The following ZC3H12B variants were observed in gnomAD, a reference collection of about 807,000 sequenced individuals.
The protein encoded by ZC3H12B is probable ribonuclease ZC3H12B.
In ZC3H12B, 7 loss-of-function variants were observed where a neutral mutation model predicts 43.9. The ratio of observed to expected loss-of-function variants is 0.16; its 90% CI spans 0.09 to 0.30. The LOEUF (loss-of-function observed/expected upper bound fraction) is 0.30. Among genes scored for constraint, ZC3H12B ranks in the 10% least tolerant of loss-of-function variants. The pLI, the probability that ZC3H12B is intolerant of heterozygous loss-of-function variation, is 1.00. For synonymous variants in ZC3H12B, 222 were observed against 241.7 expected (o/e 0.92, Z 0.76); for missense variants, 475 against 670.2 (o/e 0.71, Z 3.22).
At chrX:65,280,212 G>C in the ZC3H12B span, among the ~76,000 whole-genome samples, 1 of 111,792 alleles carries the variant, frequency 8.9e-6, no homozygotes, top group Non-Finnish European at 1.9e-5. Flanking sequence ...TGACCAAATG[G>C]GATTTATCCC....
At chrX:65,454,316 C>T (rs1602471593) in intron 3 of ZC3H12B, among the ~76,000 whole-genome samples, 1 of 112,479 alleles carries the variant, frequency 8.9e-6, no homozygotes, top group South Asian at 3.7e-4. Context: ...TAGCAAAGAG[C>T]ACACCAGGAG....
chrX:65,199,688 C>T, the ZC3H12B span, among the ~76,000 whole-genome samples: 2 of 110,876 alleles, frequency 1.8e-5, no homozygotes, highest in African/African-American at 6.6e-5. Context: ...TAAGTGGGAA[C>T]ATGCAGTGTC....
At chrX:65,259,156 TC>T in the ZC3H12B span, among the ~76,000 whole-genome samples, 4 of 111,895 alleles carry the variant, frequency 3.6e-5, no homozygotes, top group Non-Finnish European at 5.6e-5. Flanking sequence ...GTGCCCAATG[TC>T]AAACTTTACT....
chrX:65,333,305 G>T, the ZC3H12B span, among the ~76,000 whole-genome samples: 299 of 112,009 alleles, frequency 2.7e-3, 3 homozygotes, highest in African/African-American at 9.3e-3. Flanking sequence ...CTCCAACTGT[G>T]TCCTGTTGCA....
the ZC3H12B span, among the ~76,000 whole-genome samples, chrX:65,198,149 A>C: frequency 3.3e-4 from 37 of 112,084 alleles, no homozygotes; most frequent in Non-Finnish European, 5.8e-4. Flanking sequence ...AACTTATCTA[A>C]ATAATTTCAA....
At chrX:65,058,247 CA>C in the ZC3H12B span, among the ~76,000 whole-genome samples, 1 of 111,599 alleles carries the variant, frequency 9.0e-6, no homozygotes, top group African/African-American at 3.3e-5. Context: ...TGGTGACATA[CA>C]GATGGGGTTT....
chrX:65,129,615 G>T, the ZC3H12B span, among the ~76,000 whole-genome samples: 1 of 111,157 alleles, frequency 9.0e-6, no homozygotes, highest in African/African-American at 3.3e-5. Flanking sequence ...TTCTTCACTT[G>T]CTTCAGGCCA....
the ZC3H12B span, among the ~76,000 whole-genome samples, chrX:65,156,655 A>G: frequency 3.6e-5 from 4 of 111,355 alleles, no homozygotes; most frequent in Non-Finnish European, 5.7e-5. Context: ...TGCTGGGATT[A>G]CAGGCATGAG....
intron 2 of ZC3H12B, among the ~76,000 whole-genome samples, chrX:65,387,077 A>G (rs2066538103): frequency 9.0e-6 from 1 of 111,705 alleles, no homozygotes; most frequent in Non-Finnish European, 1.9e-5. Flanking sequence ...TATGTGGTCA[A>G]TTTTGGAATA....
At chrX:65,344,209 T>A in the ZC3H12B span, among the ~76,000 whole-genome samples, 1 of 112,337 alleles carries the variant, frequency 8.9e-6, no homozygotes, top group East Asian at 2.8e-4. Flanking sequence ...AAACATTCCA[T>A]GCTCATGTTT....
the ZC3H12B span, among the ~76,000 whole-genome samples, chrX:65,161,547 G>C: frequency 6.3e-5 from 7 of 111,349 alleles, no homozygotes; most frequent in Middle Eastern, 4.7e-3. Flanking sequence ...GATCTTTGTT[G>C]GTTTAAAGTC....
At chrX:65,259,866 A>G in the ZC3H12B span, among the ~76,000 whole-genome samples, 1 of 112,254 alleles carries the variant, frequency 8.9e-6, no homozygotes, top group African/African-American at 3.2e-5. Flanking sequence ...TGTGGTATAT[A>G]TACACAATGG....
the ZC3H12B span, among the ~76,000 whole-genome samples, chrX:65,115,456 T>A: frequency 4.5e-5 from 5 of 111,747 alleles, no homozygotes; most frequent in Non-Finnish European, 9.4e-5. Context: ...ACTCATTGAT[T>A]GTTGGGCATT....
the ZC3H12B span, among the ~76,000 whole-genome samples, chrX:65,085,519 T>C: frequency 3.6e-5 from 4 of 111,439 alleles, no homozygotes; most frequent in Non-Finnish European, 7.5e-5. Flanking sequence ...CACACCTATA[T>C]TACCCCAGTT....
the ZC3H12B span, among the ~76,000 whole-genome samples, chrX:65,044,968 T>TAA: frequency 1.0e-5 from 1 of 99,031 alleles, no homozygotes. Flanking sequence ...CATCCCTACT[T>TAA]AAAAAAAAAA....
the ZC3H12B span, among the ~76,000 whole-genome samples, chrX:65,334,525 G>A: frequency 0.083 from 9,283 of 111,641 alleles, 1,027 homozygotes; most frequent in African/African-American, 0.29. Flanking sequence ...GTAAACTAAA[G>A]AGCATTACAT....
At chrX:65,230,620 A>G in the ZC3H12B span, among the ~76,000 whole-genome samples, 3 of 110,497 alleles carry the variant, frequency 2.7e-5, no homozygotes, top group African/African-American at 6.6e-5. Flanking sequence ...CCAAAAAAAA[A>G]AAAAAACGAA....
At chrX:65,168,959 A>G in the ZC3H12B span, among the ~76,000 whole-genome samples, 7 of 109,906 alleles carry the variant, frequency 6.4e-5, no homozygotes, top group African/African-American at 2.0e-4. Context: ...CTAGTGGTCT[A>G]TTTTGTTGAT....
At chrX:65,105,659 A>T in the ZC3H12B span, among the ~76,000 whole-genome samples, 1 of 111,382 alleles carries the variant, frequency 9.0e-6, no homozygotes, top group Non-Finnish European at 1.9e-5. Context: ...CTGGAATCCT[A>T]TGGGGAATTA....
Sources: allele counts gnomAD v4.1 joint callset (sites outside exome capture counted in the v4.1 genomes callset), GRCh38; gene constraint gnomAD v4.1.1; transcripts MANE v1.5; gene names NCBI Gene and HGNC (gene_info 2026-07-23, HGNC 2026-07-21).